PCSK2: variants seen among roughly 807,000 people sequenced by gnomAD.
PCSK2 encodes neuroendocrine convertase 2.
In PCSK2, 14 loss-of-function variants were observed where a neutral mutation model predicts 69.7. That is an observed-to-expected ratio of 0.20 (90% CI 0.13 to 0.31). The LOEUF is 0.31. Ranked by LOEUF, PCSK2 falls within the 10% of genes least tolerant of loss-of-function variation. The pLI, the probability that PCSK2 is intolerant of heterozygous loss-of-function variation, is 1.00. For missense variants in PCSK2, 544 were observed against 842.5 expected (o/e 0.65, Z 4.39); for synonymous variants, 307 against 320.7 (o/e 0.96, Z 0.46).
intron 11 of PCSK2, among the ~76,000 whole-genome samples, chr20:17,479,925 TCTCAAA>T (rs2033365481): frequency 6.7e-6 from 1 of 148,672 alleles, no homozygotes; most frequent in Non-Finnish European, 1.5e-5. Context: ...ATGGGTTTAT[TCTCAAA>T]GTCTGGAGTC....
intron 2 of PCSK2, among the ~76,000 whole-genome samples, chr20:17,326,113 T>G (rs927774823): frequency 2.0e-5 from 3 of 152,150 alleles, no homozygotes; most frequent in African/African-American, 7.2e-5. Context: ...AAGTCCAAAG[T>G]CAAGAGTAGG....
intron 4 of PCSK2, among the ~76,000 whole-genome samples, chr20:17,364,932 C>T (rs1156732056): frequency 6.6e-6 from 1 of 152,086 alleles, no homozygotes; most frequent in Admixed American, 6.6e-5. Context: ...AAAAAGAGTG[C>T]CCACATATTG....
At chr20:17,481,209 C>T (rs201902655) in intron 11 of PCSK2, among the ~76,000 whole-genome samples, 1 of 151,694 alleles carries the variant, frequency 6.6e-6, no homozygotes, top group African/African-American at 2.4e-5. Context: ...GGTGAAACTC[C>T]GTCTCTACTA....
intron 2 of PCSK2, among the ~76,000 whole-genome samples, chr20:17,357,169 A>G (rs2021935): frequency 0.75 from 114,098 of 152,138 alleles, 43,048 homozygotes; most frequent in African/African-American, 0.82. Context: ...TCCTGATTAA[A>G]ACAAAGCCTA....
At chr20:17,251,316 T>C (rs1464254511) in intron 1 of PCSK2, among the ~76,000 whole-genome samples, 1 of 152,202 alleles carries the variant, frequency 6.6e-6, no homozygotes, top group Non-Finnish European at 1.5e-5. Flanking sequence ...GAGAAAACAT[T>C]TAAGAACCAT....
rs186491387 is a variant in PCSK2 at position 17,390,160 on chromosome 20, A to G, written c.544-19103A>G. Among the ~76,000 whole-genome samples, 57 of 152,332 alleles carry G rather than the reference A, an allele frequency of 3.7e-4. 1 individual carries two copies. In the East Asian group the frequency reaches 6.6e-3, roughly 18 times the overall value. ...AACAAAGACAAATGCAAGAGTACATATACTCTCTGGTTCCATTTACATGAA... is the reference window on the plus strand; with the variant it reads ...AACAAAGACAAATGCAAGAGTACATGTACTCTCTGGTTCCATTTACATGAA... On this transcript the variant is annotated intron_variant, in intron 5 of 11. Coordinates refer to ENST00000262545, the MANE Select transcript of PCSK2 (RefSeq NM_002594.5).
intron 2 of PCSK2, among the ~76,000 whole-genome samples, chr20:17,285,495 G>T (rs1226495626): frequency 6.6e-6 from 1 of 152,162 alleles, no homozygotes; most frequent in Non-Finnish European, 1.5e-5. Context: ...ACTCTATTTT[G>T]ATCTTTAGTC....
Position 17,365,143 on chromosome 20 carries a change from A to G in PCSK2, c.506-4097A>G, listed in dbSNP as rs572182048. Among the ~76,000 whole-genome samples, 6 of 152,264 alleles carry G rather than the reference A, an allele frequency of 3.9e-5. No homozygotes were observed. The South Asian group carries it at 6.2e-4, about 16-fold the overall frequency. ...TTCTCACACTTCTGGAGGCTGGGAA[A>G]TCACAAATTCAGTATCTGATAAAGG... is the stretch of plus-strand genomic sequence containing the variant. On this transcript the variant is annotated intron_variant, in intron 4 of 11. Transcript: ENST00000262545.
At chr20:17,274,092 G>A (rs1373271265) in intron 2 of PCSK2, among the ~76,000 whole-genome samples, 1 of 152,142 alleles carries the variant, frequency 6.6e-6, no homozygotes, top group Non-Finnish European at 1.5e-5. Context: ...TTGGGGAGCA[G>A]TAGAAGTCCC....
chr20:17,407,452 G>T (rs945336717), intron 5 of PCSK2, among the ~76,000 whole-genome samples: 1 of 152,164 alleles, frequency 6.6e-6, no homozygotes, highest in African/African-American at 2.4e-5. Flanking sequence ...GTATTAACTT[G>T]TGTTTCTCTC....
chr20:17,388,356 C>A (rs889974179), intron 5 of PCSK2, among the ~76,000 whole-genome samples: 1 of 151,914 alleles, frequency 6.6e-6, no homozygotes. Flanking sequence ...AGAAAGGAGG[C>A]AGGGAGAGCA....
chr20:17,243,414 G>T (rs1986656444), intron 1 of PCSK2, among the ~76,000 whole-genome samples: 1 of 151,972 alleles, frequency 6.6e-6, no homozygotes, highest in African/African-American at 2.4e-5. Flanking sequence ...TGCCCAGGCT[G>T]GTCTCAAACT....
In PCSK2 at chr20:17,347,944, G is replaced by A. The variant is rs58221191; in HGVS notation, c.283-10383G>A. ...AGGAGAGAGAAAAAAGAGAAAGAAA[G>A]AAAGAAAGAAAGAAAGAGAAAGAAA... On this transcript the variant is annotated intron_variant, in intron 2 of 11. Transcript: ENST00000262545. Among the ~76,000 whole-genome samples the A allele has an allele frequency of 1.0e-4, 6 of 57,882 alleles. 2 individuals carry two copies. Among genetic ancestry groups the A allele is most frequent in the African/African-American group, 2.5e-4 (5 of 19,810 alleles). 38.0% of individuals were successfully genotyped at this position (57,882 alleles called of 152,430 possible).
intron 6 of PCSK2, among the ~76,000 whole-genome samples, chr20:17,413,371 A>G: frequency 6.6e-6 from 1 of 152,098 alleles, no homozygotes; most frequent in African/African-American, 2.4e-5. Context: ...AAAAAACACA[A>G]GGGTTGCAAT....
At chr20:17,357,850 T>C (rs371365767) in intron 2 of PCSK2, among the ~76,000 whole-genome samples, 10 of 150,428 alleles carry the variant, frequency 6.6e-5, no homozygotes, top group African/African-American at 2.4e-4. Context: ...GCCAAGATCA[T>C]GCCATTGCCC....
At chr20:17,279,185 C>G (rs1988211483) in intron 2 of PCSK2, among the ~76,000 whole-genome samples, 1 of 152,178 alleles carries the variant, frequency 6.6e-6, no homozygotes, top group Admixed American at 6.5e-5. Context: ...GAATGTCCTT[C>G]ATGAGAGGCG....
intron 2 of PCSK2, among the ~76,000 whole-genome samples, chr20:17,335,195 G>GGGGA (rs554208642): frequency 0.61 from 91,963 of 150,546 alleles, 29,048 homozygotes; most frequent in East Asian, 0.97. Context: ...GCGGAGATTG[G>GGGGA]GGGGGTTGTC....
At chr20:17,403,884 C>G (rs2031697783) in intron 5 of PCSK2, among the ~76,000 whole-genome samples, 2 of 152,216 alleles carry the variant, frequency 1.3e-5, no homozygotes, top group Non-Finnish European at 1.5e-5. Flanking sequence ...ACCATAGAGA[C>G]CTGTTTCTTG....
chr20:17,253,091 A>C (rs371885236), intron 1 of PCSK2, among the ~76,000 whole-genome samples: 5 of 152,218 alleles, frequency 3.3e-5, no homozygotes, highest in South Asian at 2.1e-4. Context: ...AGTGTTCATA[A>C]TCTACGACTT....
Sources: gnomAD v4.1 joint callset for allele counts (sites outside exome capture counted in the v4.1 genomes callset) on GRCh38, gnomAD v4.1.1 for gene constraint, MANE v1.5 for transcripts, NCBI Gene and HGNC (gene_info 2026-07-23, HGNC 2026-07-21) for gene names.